Variants in ANKRD36C observed in about 807,000 individuals in gnomAD.
ANKRD36C encodes ankyrin repeat domain-containing protein 36C.
ANKRD36C carries 61 observed loss-of-function variants against 276.4 expected under a neutral mutation model. That is an observed-to-expected ratio of 0.22 (90% CI 0.18 to 0.27). The LOEUF (loss-of-function observed/expected upper bound fraction) is 0.27. ANKRD36C is among the 10% of genes least tolerant of loss of function. The pLI is 1.00. For synonymous variants in ANKRD36C, 483 were observed against 680.1 expected, an observed-to-expected ratio of 0.71 and a Z score of 4.51; for missense variants, 1,447 against 2,032.3, an observed-to-expected ratio of 0.71 and a Z score of 5.54.
rs1678900764 is a variant in ANKRD36C, at chr2:95,980,813, C to T, written c.594-28G>A. The T allele has an allele frequency of 2.6e-6, 4 of 1,552,742 alleles. No individual in the cohort carries two copies. In the East Asian group the frequency reaches 9.5e-5, roughly 37 times the overall value. On this transcript the variant is annotated intron_variant, in intron 4 of 66. Transcript: ENST00000456556. ...AAAATAACAGAGAGGTAATTAAAAA[C>T]TTTAATGACATTTTAAAAGCTTAGT...
intron 40 of ANKRD36C, among the ~76,000 whole-genome samples, chr2:95,913,430 T>C (rs1194348874): frequency 1.3e-5 from 2 of 151,474 alleles, no homozygotes; most frequent in Non-Finnish European, 3.0e-5. Flanking sequence ...ACAAAACATG[T>C]ATCTCTGATG....
intron 52 of ANKRD36C, among the ~76,000 whole-genome samples, chr2:95,885,000 T>G (rs1676169684): frequency 6.6e-6 from 1 of 152,040 alleles, no homozygotes; most frequent in South Asian, 2.1e-4. Flanking sequence ...TCGTTTAGCT[T>G]TCCAAAATTT....
chr2:95,952,668 C>G (rs1678225867), intron 14 of ANKRD36C, among the ~76,000 whole-genome samples: 2 of 152,388 alleles, frequency 1.3e-5, no homozygotes, highest in South Asian at 4.2e-4. Flanking sequence ...ATTTTCTCAA[C>G]ATAACTCACC....
chr2:95,892,721 G>A (rs1676410759), intron 44 of ANKRD36C, among the ~76,000 whole-genome samples: 2 of 151,220 alleles, frequency 1.3e-5, no homozygotes, highest in South Asian at 2.1e-4. Flanking sequence ...GCCTTGTTGG[G>A]AGTATCACGT....
At chr2:95,918,753 T>C (rs1158393116) in intron 34 of ANKRD36C, among the ~76,000 whole-genome samples, 1 of 151,488 alleles carries the variant, frequency 6.6e-6, no homozygotes, top group Non-Finnish European at 1.5e-5. Context: ...ATTATCAATT[T>C]TGACATACTT....
chr2:95,975,962 G>A (rs971708665), intron 6 of ANKRD36C, among the ~76,000 whole-genome samples: 7 of 152,118 alleles, frequency 4.6e-5, no homozygotes, highest in Non-Finnish European at 7.4e-5. Flanking sequence ...CAAAAAGTGG[G>A]CGAAGGATAT....
chr2:95,926,548 T>C, intron 28 of ANKRD36C, among the ~76,000 whole-genome samples: 1 of 151,576 alleles, frequency 6.6e-6, no homozygotes, highest in Non-Finnish European at 1.5e-5. Flanking sequence ...AAAATGTATA[T>C]CTCTGATGCC....
intron 30 of ANKRD36C, among the ~76,000 whole-genome samples, chr2:95,924,259 T>C (rs1230598304): frequency 1.3e-5 from 2 of 151,654 alleles, no homozygotes; most frequent in African/African-American, 4.8e-5. Context: ...TCATTATTTA[T>C]CATACACATG....
chr2:95,969,166 G>C (rs948980748), intron 6 of ANKRD36C, among the ~76,000 whole-genome samples: 1 of 152,078 alleles, frequency 6.6e-6, no homozygotes, highest in Non-Finnish European at 1.5e-5. Flanking sequence ...TGAGGGGTGG[G>C]GCTGGAAGTC....
At chr2:95,931,274 A>G (rs1423659532) in intron 24 of ANKRD36C, among the ~76,000 whole-genome samples, 1 of 151,130 alleles carries the variant, frequency 6.6e-6, no homozygotes, top group African/African-American at 2.4e-5. Flanking sequence ...CCTCTCTCCC[A>G]TAGACACTCT....
chr2:95,914,518 T>C (rs1448243745), intron 38 of ANKRD36C, among the ~76,000 whole-genome samples: 1 of 151,420 alleles, frequency 6.6e-6, no homozygotes, highest in East Asian at 2.0e-4. Flanking sequence ...ATTTCAAACA[T>C]GGTATGATTT....
At chr2:95,894,075 T>G in intron 44 of ANKRD36C, 1 of 332,138 alleles carries the variant, frequency 3.0e-6, no homozygotes, top group Non-Finnish European at 5.5e-6. Flanking sequence ...TCAAAGCAGG[T>G]GCTACATGAT....
At chr2:95,855,898 C>G (rs1446355795) in exon 63 of ANKRD36C, 1 of 1,613,836 alleles carries the variant, frequency 6.2e-7, no homozygotes, top group Non-Finnish European at 8.5e-7. Flanking sequence ...TGCCCGCTCT[C>G]TCTTTGCTTC....
rs994690932 is a variant in ANKRD36C at position 95,885,969 on chromosome 2, C to T, written c.3163+79G>A. The T allele has an allele frequency of 7.1e-6, 11 of 1,559,132 alleles. No individual in the cohort carries two copies. The African/African-American group carries it at 1.1e-4, about 15-fold the overall frequency. On this transcript the variant is annotated intron_variant, in intron 52 of 66. Coordinates refer to ENST00000456556, the Ensembl canonical transcript of ANKRD36C. Reference sequence around the variant, plus strand: ...AATCCAAACATAAAGCTTCAATGAACCCCCCGCTGATTTATTTGGGGAAGT... The same window carrying T: ...AATCCAAACATAAAGCTTCAATGAATCCCCCGCTGATTTATTTGGGGAAGT...
intron 36 of ANKRD36C, among the ~76,000 whole-genome samples, chr2:95,916,577 C>G (rs1325455914): frequency 6.6e-6 from 1 of 151,628 alleles, no homozygotes; most frequent in Non-Finnish European, 1.5e-5. Flanking sequence ...TACACCATTA[C>G]ACTACAAACA....
At chr2:95,931,494 T>C (rs2104443198) in intron 24 of ANKRD36C, among the ~76,000 whole-genome samples, 1 of 150,694 alleles carries the variant, frequency 6.6e-6, no homozygotes, top group Middle Eastern at 3.4e-3. Flanking sequence ...AGCTATTTTA[T>C]GTTTAACTAC....
intron 60 of ANKRD36C, among the ~76,000 whole-genome samples, 182 bp downstream of exon 80, chr2:95,867,258 A>G (rs1356187648): frequency 6.6e-6 from 1 of 152,208 alleles, no homozygotes; most frequent in African/African-American, 2.4e-5. Flanking sequence ...CAGTGAAATG[A>G]TCATAGCCCT....
intron 42 of ANKRD36C, among the ~76,000 whole-genome samples, chr2:95,911,075 T>C (rs1302377461): frequency 6.6e-6 from 1 of 151,508 alleles, no homozygotes; most frequent in Non-Finnish European, 1.5e-5. Context: ...ATCTCTTCAG[T>C]GGAAGTGTCC....
At chr2:95,986,189 TA>T (rs1471631401) in intron 3 of ANKRD36C, among the ~76,000 whole-genome samples, 1 of 151,922 alleles carries the variant, frequency 6.6e-6, no homozygotes, top group East Asian at 1.9e-4. Flanking sequence ...CTCTCCACAG[TA>T]TTTTCCCTCA....
Sources: allele counts gnomAD v4.1 joint callset (sites outside exome capture counted in the v4.1 genomes callset), GRCh38; gene constraint gnomAD v4.1.1; transcripts MANE v1.5; gene names NCBI Gene and HGNC (gene_info 2026-07-23, HGNC 2026-07-21).